STT3B: variants seen among roughly 807,000 people sequenced by gnomAD.
STT3B encodes dolichyl-diphosphooligosaccharide--protein glycosyltransferase subunit STT3B.
Under a neutral mutation model 96.8 loss-of-function variants are expected in STT3B, and 29 were observed. That is an observed-to-expected ratio of 0.30 (90% CI 0.22 to 0.41). The LOEUF is 0.41. Among genes scored for constraint, STT3B ranks in the 10% least tolerant of loss-of-function variants. The pLI is 1.00. For synonymous variants in STT3B, 367 were observed against 360.0 expected, an observed-to-expected ratio of 1.02 and a Z score of -0.22; for missense variants, 640 against 1,022.3, an observed-to-expected ratio of 0.63 and a Z score of 5.10.
rs544485633 is a variant in STT3B, at chr3:31,592,210, G to A, written c.712-4588G>A. ...TACTTCACATAGGTGGAATCATATA[G>A]TAGTTGTCTTTTTGTGACTGGCTTC... On this transcript the variant is annotated intron_variant, in intron 3 of 15. Coordinates refer to ENST00000295770, the MANE Select transcript of STT3B (RefSeq NM_178862.3). Among the ~76,000 whole-genome samples, 17 of 152,268 alleles carry A rather than the reference G, an allele frequency of 1.1e-4. No individual in the cohort carries two copies. The South Asian group carries it at 3.3e-3, about 30-fold the overall frequency.
chr3:31,617,219 T>A (rs1699326119), intron 7 of STT3B, 144 bp downstream of exon 7: 2 of 540,986 alleles, frequency 3.7e-6, no homozygotes, highest in South Asian at 5.6e-5. Flanking sequence ...ATATCTTAAT[T>A]TTGTGGCATC....
At chr3:31,628,219 TG>T (rs563573292) in intron 13 of STT3B, among the ~76,000 whole-genome samples, 4 of 1,100 alleles carry the variant, frequency 3.6e-3, no homozygotes, top group African/African-American at 0.018. Context: ...CAGTTAAAAA[TG>T]GGGGGGCGGG....
intron 5 of STT3B, among the ~76,000 whole-genome samples, chr3:31,608,813 G>A (rs1405683161): frequency 6.6e-6 from 1 of 152,136 alleles, no homozygotes; most frequent in African/African-American, 2.4e-5. Context: ...AGTAGTAGTC[G>A]ACAATAAGAA....
chr3:31,619,533 A>G (rs1699383173), intron 8 of STT3B, 143 bp from the exon 9 acceptor site: 1 of 661,530 alleles, frequency 1.5e-6, no homozygotes, highest in Admixed American at 3.1e-5. Context: ...TATCCAGTAT[A>G]ACTGGTTACC....
Position 31,592,421 on chromosome 3 carries a change from C to T in STT3B, c.712-4377C>T, listed in dbSNP as rs571446936. 2.6e-5 allele frequency among the ~76,000 whole-genome samples: 4 copies of T among 152,258 alleles called. No homozygotes were observed. In the South Asian group the frequency reaches 6.2e-4, roughly 24 times the overall value. ...TGGTTATACAAATCTCTCTCCAAGA[C>T]CTTGCTTTCAATTATTGTGAGTATA... On this transcript the variant is annotated intron_variant, in intron 3 of 15. Coordinates refer to ENST00000295770, the MANE Select transcript of STT3B (RefSeq NM_178862.3).
chr3:31,566,825 AT>A (rs1698019153), intron 1 of STT3B, among the ~76,000 whole-genome samples: 1 of 152,034 alleles, frequency 6.6e-6, no homozygotes, highest in Non-Finnish European at 1.5e-5. Flanking sequence ...TGTTTATTGT[AT>A]TTAAGTTCCA....
At chr3:31,539,965 C>T (rs1472888935) in intron 1 of STT3B, among the ~76,000 whole-genome samples, 1 of 152,176 alleles carries the variant, frequency 6.6e-6, no homozygotes, top group Non-Finnish European at 1.5e-5. Flanking sequence ...TGTTGGCCCC[C>T]TGTTTCTATT....
At chr3:31,592,864 G>T (rs892756386) in intron 3 of STT3B, among the ~76,000 whole-genome samples, 4 of 152,132 alleles carry the variant, frequency 2.6e-5, no homozygotes, top group Non-Finnish European at 5.9e-5. Flanking sequence ...AAATGAAGGG[G>T]AAAAAAGTGC....
At chr3:31,546,748 A>T (rs564393827) in intron 1 of STT3B, among the ~76,000 whole-genome samples, 3 of 152,210 alleles carry the variant, frequency 2.0e-5, no homozygotes, top group Non-Finnish European at 4.4e-5. Context: ...GTAGGAGGTT[A>T]TATGTATATG....
In STT3B at chr3:31,623,734, A is replaced by G. The variant is rs769389290; in HGVS notation, c.1600A>G (p.Asn534Asp). ...QEKTEEGLGP[N>D]IKSIVTMLML... is the part of the protein sequence containing the mutation. ...AAAAACTGAAGAGGGATTAGGCCCT[A>G]ATATAAAAAGCATTGTCACCATGTT... The change falls in exon 11 of 16, where the codon AAT becomes GAT. Residue 534 changes from asparagine (N) to aspartate (D), a missense_variant. Transcript: ENST00000295770. The G allele has an allele frequency of 6.2e-7, 1 of 1,614,000 alleles. No homozygotes were observed. Among genetic ancestry groups the G allele is most frequent in the South Asian group, 1.1e-5 (1 of 91,074 alleles).
chr3:31,618,338 G>A (rs1180488506), intron 8 of STT3B, among the ~76,000 whole-genome samples: 1 of 151,624 alleles, frequency 6.6e-6, no homozygotes, highest in Admixed American at 6.6e-5. Context: ...GAATTCTTAA[G>A]GATACTGTTT....
intron 1 of STT3B, among the ~76,000 whole-genome samples, chr3:31,557,378 C>G (rs916046913): frequency 3.9e-5 from 6 of 152,078 alleles, no homozygotes; most frequent in African/African-American, 1.4e-4. Flanking sequence ...TTATTAATTT[C>G]AGGACTGTTT....
chr3:31,619,887 A>G, intron 9 of STT3B, 57 bp downstream of exon 9: 1 of 1,556,776 alleles, frequency 6.4e-7, no homozygotes, highest in Non-Finnish European at 8.6e-7. Context: ...TCTTTTTGAG[A>G]TTATTTACTT....
intron 3 of STT3B, among the ~76,000 whole-genome samples, chr3:31,582,777 C>G (rs1698439947): frequency 6.6e-6 from 1 of 151,662 alleles, no homozygotes; most frequent in Admixed American, 6.6e-5. Flanking sequence ...TGAGTATTTT[C>G]TCATTTTTAT....
In STT3B at chr3:31,624,947, T is replaced by C; in HGVS notation, c.1761T>C (p.Ala587=). Residue 587 remains alanine (A), a synonymous_variant, in exon 12 of 16, where the codon GCT becomes GCC. Coordinates refer to ENST00000295770, the MANE Select transcript of STT3B (RefSeq NM_178862.3). ...ATATCTTAGATGATTTTAGAGAAGC[T>C]TACTTTTGGCTAAGGCAAAATACAG... ...TRNILDDFRE[A]YFWLRQNTDE... 6.2e-7 allele frequency: 1 copy of C among 1,613,456 alleles called. No homozygotes were observed. Among genetic ancestry groups the C allele is most frequent in the Non-Finnish European group, 8.5e-7 (1 of 1,179,650 alleles).
intron 1 of STT3B, among the ~76,000 whole-genome samples, chr3:31,571,195 A>G (rs1039194866): frequency 6.6e-6 from 1 of 151,996 alleles, no homozygotes; most frequent in Non-Finnish European, 1.5e-5. Context: ...GTCCAGAGAT[A>G]ATCACACTAT....
chr3:31,617,186 C>CTTTTTTTTTTTTTTTTTTTTTTTTTTATT (rs5847707), intron 7 of STT3B, 111 bp downstream of exon 7: 1 of 465,784 alleles, frequency 2.1e-6, no homozygotes, highest in Non-Finnish European at 3.3e-6. Flanking sequence ...TGATTTTTTT[C>CTTTTTTTTTTTTTTTTTTTTTTTTTTATT]TTTTTTTTTT....
At chr3:31,633,909 T>TA (rs1699712516) in intron 15 of STT3B, among the ~76,000 whole-genome samples, 2 of 152,170 alleles carry the variant, frequency 1.3e-5, no homozygotes, top group African/African-American at 4.8e-5. Context: ...TCTCATTTTT[T>TA]AAGGATGCTT....
chr3:31,606,748 A>G (rs59820807), intron 5 of STT3B, among the ~76,000 whole-genome samples: 1 of 152,344 alleles, frequency 6.6e-6, no homozygotes, highest in African/African-American at 2.4e-5. Flanking sequence ...CCACTGGGGC[A>G]CTGCCAAGTG....
Sources: allele counts gnomAD v4.1 joint callset (sites outside exome capture counted in the v4.1 genomes callset), GRCh38; gene constraint gnomAD v4.1.1; transcripts MANE v1.5; gene names NCBI Gene and HGNC (gene_info 2026-07-23, HGNC 2026-07-21).